Variants in EGFR observed in about 807,000 individuals in gnomAD.
EGFR encodes the protein avian erythroblastic leukemia viral (v-erb-b) oncogene homolog.
Under a neutral mutation model 143.0 loss-of-function variants are expected in EGFR, and 58 were observed. The observed-to-expected ratio is 0.41, with a 90% confidence interval of 0.33 to 0.50. The LOEUF (loss-of-function observed/expected upper bound fraction) is 0.50, where lower values mean the gene tolerates loss of function less well. EGFR is among the 20% of genes least tolerant of loss of function. EGFR has a pLI of 0.39. For synonymous variants in EGFR, 613 were observed against 594.4 expected (o/e 1.03, Z -0.45); for missense variants, 1,307 against 1,579.0 (o/e 0.83, Z 2.92).
chr7:55,053,590 G>C (rs757054641), intron 1 of EGFR, among the ~76,000 whole-genome samples: 36 of 152,232 alleles, frequency 2.4e-4, no homozygotes, highest in Non-Finnish European at 5.0e-4. Flanking sequence ...TTTCATGAGA[G>C]CTGAGTTTGC....
rs17337205 is a variant in EGFR, at chr7:55,181,542, C to A, written c.2469+64C>A. On this transcript the variant is annotated intron_variant, in intron 20 of 27. Coordinates refer to ENST00000275493, the MANE Select transcript of EGFR (RefSeq NM_005228.5). The stretch of plus-strand genomic sequence containing the variant: ...AGCCAGGATCCTCACATGCGGTCTG[C>A]GCTCCTGGGATAGCAAGAGTTTGCC... 1.6e-3 allele frequency: 2,490 copies of A among 1,597,974 alleles called. 39 individuals are homozygous for A. In the African/African-American group the frequency reaches 0.03, roughly 19 times the overall value.
At chr7:55,088,441 C>A (rs1191506342) in intron 1 of EGFR, among the ~76,000 whole-genome samples, 1 of 152,236 alleles carries the variant, frequency 6.6e-6, no homozygotes, top group Non-Finnish European at 1.5e-5. Flanking sequence ...TTGTGCAACT[C>A]CCTTTTGGTA....
At chr7:55,072,581 C>T (rs1473946761) in intron 1 of EGFR, among the ~76,000 whole-genome samples, 1 of 152,202 alleles carries the variant, frequency 6.6e-6, no homozygotes, top group East Asian at 1.9e-4. Flanking sequence ...GTGATTTTCC[C>T]TTACAAAGTT....
chr7:55,185,952 G>A (rs1195470075), intron 20 of EGFR, among the ~76,000 whole-genome samples: 3 of 152,308 alleles, frequency 2.0e-5, no homozygotes, highest in Non-Finnish European at 2.9e-5. Flanking sequence ...GTGCTTTCAC[G>A]GCTCTGCTAC....
chr7:55,171,192 T>G lies in EGFR; in HGVS notation c.1898T>G (p.Leu633Arg). 1 of 1,614,252 alleles carries G rather than the reference T, an allele frequency of 6.2e-7. No individual in the cohort carries two copies. The highest frequency in any genetic ancestry group is 1.1e-5 in the South Asian group (1 of 91,088). The stretch of plus-strand genomic sequence containing the variant: ...TCCTACAGATGCACTGGGCCAGGTC[T>G]TGAAGGCTGTCCAACGAATGGGTAA... ...NCTYGCTGPG[L>R]EGCPTNGPKI... The change falls in exon 16 of 28, where the codon CTT becomes CGT. Residue 633 changes from leucine (L) to arginine (R), a missense_variant. Physicochemically the swap from Leu to Arg is moderately radical, Grantham distance 102. Coordinates refer to ENST00000275493, the MANE Select transcript of EGFR (RefSeq NM_005228.5).
At chr7:55,070,270 T>A (rs1462771780) in intron 1 of EGFR, among the ~76,000 whole-genome samples, 1 of 152,162 alleles carries the variant, frequency 6.6e-6, no homozygotes, top group Non-Finnish European at 1.5e-5. Context: ...GCACAATACT[T>A]CTCTTTCTTC....
At chr7:55,086,071 C>T (rs922981018) in intron 1 of EGFR, among the ~76,000 whole-genome samples, 1 of 152,114 alleles carries the variant, frequency 6.6e-6, no homozygotes, top group African/African-American at 2.4e-5. Context: ...GAAGTGCTGA[C>T]TATGTGCCAG....
At chr7:55,155,987 C>G (rs2128937699) in intron 8 of EGFR, 41 bp downstream of exon 8, 1 of 1,473,860 alleles carries the variant, frequency 6.8e-7, no homozygotes, top group Non-Finnish European at 9.4e-7. Flanking sequence ...TTGTTCTCGG[C>G]TGCTGAGGCT....
chr7:55,138,878 C>T (rs1378653291), intron 1 of EGFR, among the ~76,000 whole-genome samples: 1 of 152,102 alleles, frequency 6.6e-6, no homozygotes, highest in African/African-American at 2.4e-5. Context: ...CTGGTGAGGG[C>T]CTTCATGCTG....
At chr7:55,196,195 C>CTTTTTTTTTTTTTTTTTTTTTTTT (rs1331766673) in intron 22 of EGFR, among the ~76,000 whole-genome samples, 199 of 55,308 alleles carry the variant, frequency 3.6e-3, no homozygotes, top group Non-Finnish European at 4.0e-3. Flanking sequence ...TTTTTTTTTA[C>CTTTTTTTTTTTTTTTTTTTTTTTT]TTTTCAATAA....
At chr7:55,120,189 C>T (rs887873787) in intron 1 of EGFR, among the ~76,000 whole-genome samples, 2 of 152,164 alleles carry the variant, frequency 1.3e-5, no homozygotes, top group African/African-American at 4.8e-5. Context: ...GGCAGGAGGA[C>T]TGCAGACAGG....
chr7:55,074,071 C>G (rs751849226), intron 1 of EGFR, among the ~76,000 whole-genome samples: 1 of 152,242 alleles, frequency 6.6e-6, no homozygotes, highest in Non-Finnish European at 1.5e-5. Flanking sequence ...GCGGTCTCAA[C>G]GGCTCATTCA....
chr7:55,033,245 T>C (rs1368870563), intron 1 of EGFR, among the ~76,000 whole-genome samples: 1 of 152,218 alleles, frequency 6.6e-6, no homozygotes, highest in Non-Finnish European at 1.5e-5. Context: ...GGGACTAACA[T>C]ATGAATATAC....
chr7:55,036,273 G>GTGT (rs1562657057), intron 1 of EGFR, among the ~76,000 whole-genome samples: 7 of 34,730 alleles, frequency 2.0e-4, no homozygotes, highest in African/African-American at 6.3e-4. Context: ...TGTGTGTGTG[G>GTGT]GGGGGGGGGG....
At chr7:55,194,690 C>T (rs2128966558) in intron 22 of EGFR, among the ~76,000 whole-genome samples, 1 of 152,288 alleles carries the variant, frequency 6.6e-6, no homozygotes, top group Non-Finnish European at 1.5e-5. Context: ...GCGCAATGCC[C>T]ACACTCCATG....
intron 1 of EGFR, among the ~76,000 whole-genome samples, chr7:55,130,329 G>A (rs2128919567): frequency 6.6e-6 from 1 of 152,338 alleles, no homozygotes; most frequent in Middle Eastern, 3.4e-3. Context: ...AAACAGGAGT[G>A]CGGCCCTATT....
At chr7:55,146,796 C>T (rs2128929781) in intron 4 of EGFR, 56 bp downstream of exon 4, 1 of 1,611,464 alleles carries the variant, frequency 6.2e-7, no homozygotes, top group Admixed American at 1.7e-5. Flanking sequence ...GACAGCTCTA[C>T]AGCACTGGGG....
At chr7:55,184,041 A>G (rs1465680264) in intron 20 of EGFR, among the ~76,000 whole-genome samples, 1 of 152,254 alleles carries the variant, frequency 6.6e-6, no homozygotes, top group Non-Finnish European at 1.5e-5. Flanking sequence ...TCAGGACTCC[A>G]GTGGACTGTG....
At chr7:55,181,634 ATCT>A in intron 20 of EGFR, 156 bp downstream of exon 20, 5 of 887,400 alleles carry the variant, frequency 5.6e-6, no homozygotes, top group Non-Finnish European at 8.9e-6. Context: ...AATCAAGTTG[ATCT>A]TCTTGTGCAC....
Sources: gnomAD v4.1 joint callset for allele counts (sites outside exome capture counted in the v4.1 genomes callset) on GRCh38, gnomAD v4.1.1 for gene constraint, MANE v1.5 for transcripts, NCBI Gene and HGNC (gene_info 2026-07-23, HGNC 2026-07-21) for gene names.